CNTN1: variants seen among roughly 807,000 people sequenced by gnomAD.
The protein encoded by CNTN1 is contactin-1.
CNTN1 carries 38 observed loss-of-function variants against 126.4 expected under a neutral mutation model. That is an observed-to-expected ratio of 0.30 (90% CI 0.23 to 0.39). The LOEUF (loss-of-function observed/expected upper bound fraction) is 0.39, where lower values mean the gene tolerates loss of function less well. CNTN1 is among the 10% of genes least tolerant of loss of function. CNTN1 has a pLI of 1.00. For synonymous variants in CNTN1, 413 were observed against 422.6 expected (o/e 0.98, Z 0.28); for missense variants, 1,009 against 1,248.4 (o/e 0.81, Z 2.89).
At chr12:40,922,627 T>A (rs912784955) in intron 5 of CNTN1, among the ~76,000 whole-genome samples, 199 bp downstream of exon 5, 2 of 152,024 alleles carry the variant, frequency 1.3e-5, no homozygotes, top group African/African-American at 4.8e-5. Flanking sequence ...TGAAAGATGA[T>A]GTTGTCAAAT....
intron 15 of CNTN1, among the ~76,000 whole-genome samples, chr12:40,979,547 A>T (rs1443532183): frequency 1.3e-5 from 2 of 152,100 alleles, no homozygotes; most frequent in Admixed American, 6.6e-5. Flanking sequence ...TATTATATTA[A>T]ATATGCCTAA....
rs988312834 is a variant in CNTN1, at chr12:40,861,217, G to GT, written c.-76-47133dup. On this transcript the variant is annotated intron_variant, in intron 1 of 23. Coordinates refer to ENST00000551295, the MANE Select transcript of CNTN1 (RefSeq NM_001843.4). ...AACTGAGTTGGCTTGTCCATGTTAAGTTTTTTTCTCTTTCTGCAGACTTAA... is the reference window on the plus strand; with the variant it reads ...AACTGAGTTGGCTTGTCCATGTTAAGTTTTTTTTCTCTTTCTGCAGACTTAA... Among the ~76,000 whole-genome samples, 11 of 152,134 alleles carry GT rather than the reference G, an allele frequency of 7.2e-5. No individual in the cohort carries two copies. In the South Asian group the frequency reaches 1.2e-3, roughly 17 times the overall value.
At chr12:40,832,945 A>C (rs1941903433) in intron 1 of CNTN1, among the ~76,000 whole-genome samples, 1 of 151,996 alleles carries the variant, frequency 6.6e-6, no homozygotes, top group Non-Finnish European at 1.5e-5. Flanking sequence ...TTCTGGTGAA[A>C]ACCACACAGT....
At chr12:40,820,540 T>G (rs945960703) in intron 1 of CNTN1, among the ~76,000 whole-genome samples, 3 of 152,192 alleles carry the variant, frequency 2.0e-5, no homozygotes, top group Non-Finnish European at 2.9e-5. Flanking sequence ...AGTGGAATCA[T>G]AGAGCCAGTG....
At chr12:40,898,639 C>A (rs1320510923) in intron 1 of CNTN1, among the ~76,000 whole-genome samples, 1 of 152,114 alleles carries the variant, frequency 6.6e-6, no homozygotes, top group African/African-American at 2.4e-5. Flanking sequence ...GACCTGTATT[C>A]AATGACTCTT....
intron 20 of CNTN1, among the ~76,000 whole-genome samples, chr12:41,024,624 AT>A (rs200671366): frequency 0.011 from 1,720 of 152,274 alleles, 29 homozygotes; most frequent in African/African-American, 0.039. Context: ...TTCAAAGGAA[AT>A]AACATTAGAT....
In CNTN1 at chr12:40,917,627, A is replaced by C. The variant is rs147986810; in HGVS notation, c.95-1012A>C. 1.3e-4 allele frequency among the ~76,000 whole-genome samples: 20 copies of C among 152,236 alleles called. No individual in the cohort carries two copies. In the East Asian group the frequency reaches 3.9e-3, roughly 29 times the overall value. On this transcript the variant is annotated intron_variant, in intron 3 of 23. Coordinates refer to ENST00000551295, the MANE Select transcript of CNTN1 (RefSeq NM_001843.4). ...ACTGGAGGAGTGAACCATCGCTTAG[A>C]TTGGGCAGAGACATTCCAGTGACCT...
At position 40,846,327 on chromosome 12, in the gene CNTN1, G is replaced by A. The variant is rs554319485; in HGVS notation, c.-76-62030G>A. Among the ~76,000 whole-genome samples, 8 of 152,282 alleles carry A rather than the reference G, an allele frequency of 5.3e-5. No homozygotes were observed. The East Asian group carries it at 1.5e-3, about 29-fold the overall frequency. Reference sequence around the variant, plus strand: ...ACTAAAAATACAAAAAATTAGCAGGGCATGGTGGCGGGCGCCTGCAGTCCC... The same window carrying A: ...ACTAAAAATACAAAAAATTAGCAGGACATGGTGGCGGGCGCCTGCAGTCCC... On this transcript the variant is annotated intron_variant, in intron 1 of 23. Transcript: ENST00000551295.
intron 1 of CNTN1, among the ~76,000 whole-genome samples, chr12:40,699,110 A>G (rs1432422550): frequency 6.6e-6 from 1 of 151,962 alleles, no homozygotes; most frequent in Non-Finnish European, 1.5e-5. Flanking sequence ...GTCACTTACC[A>G]TACTATATTG....
At chr12:41,037,663 TACACACACACACACACAC>T (rs55890336) in intron 23 of CNTN1, among the ~76,000 whole-genome samples, 4 of 144,404 alleles carry the variant, frequency 2.8e-5, no homozygotes, top group Non-Finnish European at 4.6e-5. Context: ...GTGTGTTTAA[TACACACACACACACACAC>T]ACACACACAC....
intron 22 of CNTN1, 116 bp downstream of exon 22, chr12:41,028,085 G>A: frequency 1.4e-6 from 1 of 723,780 alleles, no homozygotes. Context: ...AGACCGGAGT[G>A]CAGTGGTACA....
chr12:40,911,437 G>A (rs1049172256), intron 3 of CNTN1, among the ~76,000 whole-genome samples: 4 of 152,222 alleles, frequency 2.6e-5, no homozygotes, highest in Non-Finnish European at 4.4e-5. Context: ...AAGCAACAGC[G>A]GAAACCCCTG....
At chr12:40,868,873 A>T (rs531173490) in intron 1 of CNTN1, among the ~76,000 whole-genome samples, 2 of 152,252 alleles carry the variant, frequency 1.3e-5, no homozygotes, top group African/African-American at 2.4e-5. Context: ...GCAATAATAG[A>T]TGCTTTAAAA....
chr12:40,833,420 T>C (rs1472808941), intron 1 of CNTN1, among the ~76,000 whole-genome samples: 1 of 152,144 alleles, frequency 6.6e-6, no homozygotes, highest in Non-Finnish European at 1.5e-5. Flanking sequence ...TCAATGACAG[T>C]TGTCTCCAGA....
intron 23 of CNTN1, among the ~76,000 whole-genome samples, chr12:41,059,123 A>G (rs1385404771): frequency 6.6e-6 from 1 of 151,936 alleles, no homozygotes; most frequent in Non-Finnish European, 1.5e-5. Flanking sequence ...AAATCTTAAT[A>G]GCAAATACCA....
At chr12:40,919,509 G>A (rs529643029) in intron 4 of CNTN1, among the ~76,000 whole-genome samples, 2 of 152,248 alleles carry the variant, frequency 1.3e-5, no homozygotes, top group African/African-American at 4.8e-5. Flanking sequence ...CAAAACAAGT[G>A]ACTGATGGAG....
At chr12:41,009,964 A>G (rs890899755) in intron 17 of CNTN1, among the ~76,000 whole-genome samples, 5 of 152,190 alleles carry the variant, frequency 3.3e-5, no homozygotes, top group African/African-American at 1.2e-4. Context: ...ACTTTTTGGC[A>G]TGATTAAAAA....
chr12:40,869,554 G>A (rs1343227440), intron 1 of CNTN1, among the ~76,000 whole-genome samples: 5 of 152,076 alleles, frequency 3.3e-5, no homozygotes, highest in African/African-American at 4.8e-5. Flanking sequence ...ACACCTGTGA[G>A]CCACCGTGTC....
At chr12:40,900,646 A>T (rs923506490) in intron 1 of CNTN1, among the ~76,000 whole-genome samples, 2 of 152,222 alleles carry the variant, frequency 1.3e-5, no homozygotes, top group Non-Finnish European at 2.9e-5. Context: ...CTTATCAGCA[A>T]TGCTGAGAAT....
Sources: allele counts gnomAD v4.1 joint callset (sites outside exome capture counted in the v4.1 genomes callset), GRCh38; gene constraint gnomAD v4.1.1; transcripts MANE v1.5; gene names NCBI Gene and HGNC (gene_info 2026-07-23, HGNC 2026-07-21).